Variants in PAPPA2 observed in about 807,000 individuals in gnomAD.
PAPPA2 encodes the protein pappalysin 2, also known as pappalysin-2.
A neutral mutation model predicts 176.4 loss-of-function variants in PAPPA2; 86 were observed. The ratio of observed to expected loss-of-function variants is 0.49; its 90% CI spans 0.41 to 0.58. The LOEUF (loss-of-function observed/expected upper bound fraction) is 0.58, where lower values mean the gene tolerates loss of function less well. PAPPA2 is among the 20% of genes least tolerant of loss of function. The probability of loss-of-function intolerance (pLI) is 0.00; values close to 1 mark genes in which losing one functional copy is unlikely to be tolerated. For synonymous variants in PAPPA2, 809 were observed against 852.2 expected (o/e 0.95, Z 0.88); for missense variants, 2,073 against 2,256.9 (o/e 0.92, Z 1.65).
intron 14 of PAPPA2, among the ~76,000 whole-genome samples, chr1:176,760,994 T>C (rs1408343541): frequency 6.6e-6 from 1 of 152,078 alleles, no homozygotes; most frequent in Non-Finnish European, 1.5e-5. Flanking sequence ...GCTAATTTTT[T>C]GTATTTTTAG....
At chr1:176,789,688 C>A in intron 17 of PAPPA2, 121 bp from the exon 18 acceptor site, 1 of 1,074,746 alleles carries the variant, frequency 9.3e-7, no homozygotes, top group African/African-American at 1.6e-5. Flanking sequence ...GGACATATGG[C>A]TCACAAGAAC....
At chr1:176,528,943 G>T (rs187952992) in intron 1 of PAPPA2, among the ~76,000 whole-genome samples, 24 of 152,222 alleles carry the variant, frequency 1.6e-4, no homozygotes, top group Non-Finnish European at 1.5e-5. Flanking sequence ...ATGATTCCCT[G>T]CAGTTAAAAG....
rs76064781 is a variant in PAPPA2 at position 176,479,523 on chromosome 1, G to A, written c.-917+16105G>A. ...CTTAGAGGACTGCCTTGGGAAGGGA[G>A]AGGTTTAGGGAGGAGACAGTGTGAT... is the stretch of plus-strand genomic sequence containing the variant. On this transcript the variant is annotated intron_variant, in intron 1 of 22. Coordinates refer to ENST00000367662, the MANE Select transcript of PAPPA2 (RefSeq NM_020318.3). Among the ~76,000 whole-genome samples the A allele has an allele frequency of 5.9e-5, 9 of 152,334 alleles. No individual in the cohort carries two copies. In the East Asian group the frequency reaches 1.7e-3, roughly 29 times the overall value.
chr1:176,738,191 T>A (rs186249104), intron 12 of PAPPA2, among the ~76,000 whole-genome samples: 2 of 152,122 alleles, frequency 1.3e-5, no homozygotes, highest in East Asian at 1.9e-4. Flanking sequence ...ATATGGCAAG[T>A]GTAATCTTGG....
At chr1:176,823,577 G>A (rs1666745374) in intron 21 of PAPPA2, among the ~76,000 whole-genome samples, 4 of 152,288 alleles carry the variant, frequency 2.6e-5, no homozygotes, top group Admixed American at 2.6e-4. Context: ...ATTAAGTCTG[G>A]TATAACTCTC....
chr1:176,491,026 G>A (rs1647265240), intron 1 of PAPPA2, among the ~76,000 whole-genome samples: 1 of 152,286 alleles, frequency 6.6e-6, no homozygotes, highest in South Asian at 2.1e-4. Flanking sequence ...CCTCACCAAG[G>A]GCTGGTTCTC....
chr1:176,630,870 G>A (rs1045737146), intron 3 of PAPPA2, among the ~76,000 whole-genome samples: 2 of 152,166 alleles, frequency 1.3e-5, no homozygotes, highest in African/African-American at 4.8e-5. Flanking sequence ...AATTGCCCAG[G>A]AGTAAGTGGG....
chr1:176,743,558 A>G (rs1431106322), intron 14 of PAPPA2, among the ~76,000 whole-genome samples: 1 of 152,164 alleles, frequency 6.6e-6, no homozygotes, highest in African/African-American at 2.4e-5. Flanking sequence ...GGATCAGGCA[A>G]ACCTCCAACC....
intron 3 of PAPPA2, among the ~76,000 whole-genome samples, chr1:176,623,758 C>CCTTCCTTTCTTTCTTTCTTTCCTT (rs1198828841): frequency 1.7e-5 from 1 of 59,042 alleles, no homozygotes; most frequent in East Asian, 4.1e-4. Context: ...TTCCTTCCTT[C>CCTTCCTTTCTTTCTTTCTTTCCTT]CTTTCTTTCT....
intron 1 of PAPPA2, among the ~76,000 whole-genome samples, chr1:176,538,072 C>T (rs1650166146): frequency 6.6e-6 from 1 of 152,040 alleles, no homozygotes; most frequent in Non-Finnish European, 1.5e-5. Context: ...GCTTATTCAC[C>T]TTCTCAATAT....
chr1:176,701,272 C>A (rs1007715334), intron 8 of PAPPA2, among the ~76,000 whole-genome samples: 2 of 152,148 alleles, frequency 1.3e-5, no homozygotes, highest in Non-Finnish European at 2.9e-5. Flanking sequence ...GGCTACCTGC[C>A]GCTGAGTTTT....
At chr1:176,648,587 A>AT (rs1188994370) in intron 3 of PAPPA2, among the ~76,000 whole-genome samples, 1 of 151,546 alleles carries the variant, frequency 6.6e-6, no homozygotes, top group Non-Finnish European at 1.5e-5. Flanking sequence ...TATGGCTTTT[A>AT]TTATTTTAAG....
chr1:176,832,802 T>C (rs936603401), intron 21 of PAPPA2, among the ~76,000 whole-genome samples: 2 of 152,328 alleles, frequency 1.3e-5, no homozygotes, highest in African/African-American at 4.8e-5. Flanking sequence ...TCTTTTCTCA[T>C]CTAATTTTTC....
chr1:176,502,840 A>C (rs1004511882), intron 1 of PAPPA2, among the ~76,000 whole-genome samples: 5 of 152,194 alleles, frequency 3.3e-5, no homozygotes, highest in African/African-American at 1.2e-4. Flanking sequence ...GGGGTACAAC[A>C]TGATTAGGTG....
Position 176,800,106 on chromosome 1 carries a change from T to G in PAPPA2, c.5176T>G (p.Leu1726Val), listed in dbSNP as rs762303922. 1 of 1,614,084 alleles carries G rather than the reference T, an allele frequency of 6.2e-7. No individual in the cohort carries two copies. Among genetic ancestry groups the G allele is most frequent in the Non-Finnish European group, 8.5e-7 (1 of 1,179,982 alleles). The change falls in exon 21 of 23, where the codon TTA becomes GTA. Residue 1726 changes from leucine to valine, a missense_variant. By Grantham distance (32) the Leu-to-Val change is conservative (BLOSUM62 1). Around this residue, in one of 4 missense-constraint regions of PAPPA2, gnomAD observed 846 missense variants for 857.9 expected, o/e 0.99. Transcript: ENST00000367662. ...GRRQWHPDPVLVHCIQSCEPF... is the reference protein window; with the variant it reads ...GRRQWHPDPVVVHCIQSCEPF... ...GCGTCAATGGCACCCAGACCCCGTC[T>G]TAGTCCACTGCATCCAGTCATGTGA... is the stretch of plus-strand genomic sequence containing the variant.
Position 176,682,835 on chromosome 1 carries a change from A to G in PAPPA2, c.2138-7302A>G, listed in dbSNP as rs1008705866. ...TTATAACTTTGTCTGCTCATTGTGG[A>G]CAGCATGTTTTGAGGAGCAGAGTTT... On this transcript the variant is annotated intron_variant, in intron 4 of 22. Transcript: ENST00000367662. Among the ~76,000 whole-genome samples, 14 of 151,992 alleles carry G rather than the reference A, an allele frequency of 9.2e-5. 1 individual carries two copies. The highest frequency in any genetic ancestry group is 2.7e-4 in the African/African-American group (11 of 41,396).
intron 2 of PAPPA2, among the ~76,000 whole-genome samples, chr1:176,582,454 T>C (rs1381804996): frequency 6.6e-6 from 1 of 152,356 alleles, no homozygotes; most frequent in East Asian, 1.9e-4. Context: ...CGGTCACTTA[T>C]GGCCTTTATT....
At chr1:176,772,153 A>G (rs1458302938) in intron 17 of PAPPA2, among the ~76,000 whole-genome samples, 1 of 152,212 alleles carries the variant, frequency 6.6e-6, no homozygotes, top group Non-Finnish European at 1.5e-5. Flanking sequence ...AAAAGCTTTC[A>G]GGAAAAGAAA....
In PAPPA2 at chr1:176,695,742, T is replaced by A. The variant is rs1006333303; in HGVS notation, c.2629T>A (p.Ser877Thr). The A allele has an allele frequency of 4.3e-6, 7 of 1,614,078 alleles. No individual in the cohort carries two copies. Among genetic ancestry groups the A allele is most frequent in the Middle Eastern group, 1.7e-4 (1 of 6,060 alleles). ...TCCATCCCTTTATCTCCCCAGGGCC[T>A]CAGGCAGCTTGTGTGGCGCTTGCAC... ...PISGVVYDRA[S>T]GSLCGACTED... Residue 877 changes from serine (S) to threonine (T), a missense_variant, in exon 7 of 23, where the codon TCA becomes ACA. Physicochemically the swap from Ser to Thr is moderately conservative, Grantham distance 58. Around this residue, in one of 4 missense-constraint regions of PAPPA2, gnomAD observed 1,196 missense variants for 1,330.4 expected, o/e 0.90. Transcript: ENST00000367662.
Sources: gnomAD v4.1 joint callset for allele counts (sites outside exome capture counted in the v4.1 genomes callset) on GRCh38, gnomAD v4.1.1 for gene constraint, gnomAD v4.1.1 regional missense constraint, MANE v1.5 for transcripts, NCBI Gene and HGNC (gene_info 2026-07-23, HGNC 2026-07-21) for gene names.